SASH1: variants seen among roughly 807,000 people sequenced by gnomAD.
SASH1 encodes SAM and SH3 domain containing 1, also known as SAM and SH3 domain-containing protein 1.
A neutral mutation model predicts 125.2 loss-of-function variants in SASH1; 44 were observed. The ratio of observed to expected loss-of-function variants is 0.35; its 90% confidence interval spans 0.28 to 0.45. SASH1 has a LOEUF of 0.45. SASH1 is among the 20% of genes least tolerant of loss of function. SASH1 has a pLI of 1.00. For synonymous variants in SASH1, 639 were observed against 649.1 expected (o/e 0.98, Z 0.24); for missense variants, 1,426 against 1,614.5 (o/e 0.88, Z 2.00).
intron 1 of SASH1, chr6:148,280,419 T>G (rs1779307042): frequency 6.6e-6 from 1 of 152,142 alleles, no homozygotes; most frequent in South Asian, 2.1e-4. Flanking sequence ...ACACTCACCT[T>G]GCAGGGATTC....
At chr6:148,258,589 T>C in the SASH1 span, among the ~76,000 whole-genome samples, 1 of 152,092 alleles carries the variant, frequency 6.6e-6, no homozygotes, top group African/African-American at 2.4e-5. Context: ...ACTCCACATG[T>C]AAAAATTACT....
At chr6:148,263,344 G>A in the SASH1 span, among the ~76,000 whole-genome samples, 1 of 152,206 alleles carries the variant, frequency 6.6e-6, no homozygotes, top group Non-Finnish European at 1.5e-5. Context: ...GCAGAAGGCA[G>A]TTCTGAGGTT....
intron 4 of SASH1, among the ~76,000 whole-genome samples, chr6:148,442,909 G>C (rs1776605464): frequency 6.6e-6 from 1 of 151,940 alleles, no homozygotes; most frequent in Non-Finnish European, 1.5e-5. Context: ...GAGTAGCTGA[G>C]ATTACAGGCA....
intron 1 of SASH1, among the ~76,000 whole-genome samples, chr6:148,280,703 G>A (rs1779315566): frequency 6.6e-6 from 1 of 152,082 alleles, no homozygotes; most frequent in South Asian, 2.1e-4. Context: ...AGCTACTCGG[G>A]AGGCTGCAGC....
In SASH1 at chr6:148,343,106, T is replaced by TGAGCCCGAGCCC. The variant is rs76317765; in HGVS notation, c.45_56dup (p.Glu20_Pro23dup). 4.3e-5 allele frequency: 68 copies of TGAGCCCGAGCCC among 1,573,634 alleles called. No individual in the cohort carries two copies. Among genetic ancestry groups the TGAGCCCGAGCCC allele is most frequent in the Middle Eastern group, 1.7e-4 (1 of 5,900 alleles). The stretch of plus-strand genomic sequence containing the variant: ...GAGCAGCTGGCCCGGGGCCGGAGCC[T>TGAGCCCGAGCCC]GAGCCCGAGCCCGAGCCGGAGCCCG... On this transcript the variant is annotated inframe_insertion, in exon 1 of 20. Transcript: ENST00000367467.
chr6:148,460,860 A>G (rs1000601254), intron 4 of SASH1, among the ~76,000 whole-genome samples: 2 of 152,198 alleles, frequency 1.3e-5, no homozygotes, highest in Non-Finnish European at 2.9e-5. Context: ...GTCCATCTCA[A>G]TTATTTGAGA....
At chr6:148,534,644 T>C in intron 15 of SASH1, 107 bp from the exon 16 acceptor site, 1 of 1,081,368 alleles carries the variant, frequency 9.2e-7, no homozygotes, top group South Asian at 1.3e-5. Flanking sequence ...TTGATTAGCC[T>C]GAAGGTGACT....
intron 1 of SASH1, among the ~76,000 whole-genome samples, chr6:148,275,924 T>C (rs1779171823): frequency 6.6e-6 from 1 of 152,362 alleles, no homozygotes; most frequent in East Asian, 1.9e-4. Context: ...TTTCACCATG[T>C]TGCCCAGGCT....
intron 4 of SASH1, among the ~76,000 whole-genome samples, chr6:148,466,733 G>T (rs1777854211): frequency 6.6e-6 from 1 of 150,758 alleles, no homozygotes; most frequent in African/African-American, 2.4e-5. Flanking sequence ...ATACCCAGTT[G>T]AACTTTTTAG....
chr6:148,411,166 C>CAAAAAAAAA lies in SASH1; in HGVS notation c.285+20926_285+20934dup, dbSNP rs56342457. ...TACAACAAGAGCGAAACTCCATCTC[C>CAAAAAAAAA]AAAAAAAAAAAAAAAAAAAAAAAAA... On this transcript the variant is annotated intron_variant, in intron 2 of 19. Transcript: ENST00000367467. Among the ~76,000 whole-genome samples, 441 of 46,186 alleles carry CAAAAAAAAA rather than the reference C, an allele frequency of 9.5e-3. 13 individuals carry two copies. Among genetic ancestry groups the CAAAAAAAAA allele is most frequent in the Middle Eastern group, 0.075 (3 of 40 alleles). The allele number at this position is 46,186 out of a possible 152,430, so 30.3% of individuals were successfully genotyped here.
intron 1 of SASH1, among the ~76,000 whole-genome samples, chr6:148,386,346 A>G (rs560637591): frequency 2.0e-4 from 31 of 152,206 alleles, no homozygotes; most frequent in African/African-American, 2.4e-5. Context: ...ATATATAAAT[A>G]GTTTTTTTCC....
chr6:148,275,678 A>G (rs781675241), intron 1 of SASH1, among the ~76,000 whole-genome samples: 2 of 152,170 alleles, frequency 1.3e-5, no homozygotes, highest in Non-Finnish European at 2.9e-5. Context: ...TTGCATTTCC[A>G]TAAGATCTTA....
At chr6:148,383,910 C>G (rs1385948488) in intron 1 of SASH1, among the ~76,000 whole-genome samples, 1 of 152,128 alleles carries the variant, frequency 6.6e-6, no homozygotes, top group Non-Finnish European at 1.5e-5. Flanking sequence ...CCCCTTATCT[C>G]TGTATTTTTA....
intron 2 of SASH1, among the ~76,000 whole-genome samples, chr6:148,401,684 C>A (rs1784173378): frequency 6.6e-6 from 1 of 152,084 alleles, no homozygotes; most frequent in Non-Finnish European, 1.5e-5. Flanking sequence ...CTCATGGGCC[C>A]CAGCAGAAGC....
chr6:148,295,153 G>A (rs1178560466), intron 1 of SASH1, among the ~76,000 whole-genome samples: 1 of 151,988 alleles, frequency 6.6e-6, no homozygotes, highest in Non-Finnish European at 1.5e-5. Flanking sequence ...GTAAACTGAG[G>A]TCCTGATAAT....
intron 9 of SASH1, among the ~76,000 whole-genome samples, chr6:148,516,488 GCGCC>G (rs1780444170): frequency 1.3e-5 from 1 of 79,484 alleles, no homozygotes. Context: ...ACGCCAGTAG[GCGCC>G]CCCTCCCCCC....
chr6:148,458,629 G>A (rs1249754633), intron 4 of SASH1, among the ~76,000 whole-genome samples: 1 of 152,078 alleles, frequency 6.6e-6, no homozygotes, highest in African/African-American at 2.4e-5. Flanking sequence ...ATATGAAACT[G>A]GTCAGTTGCT....
At chr6:148,266,317 TG>T in the SASH1 span, among the ~76,000 whole-genome samples, 2 of 152,166 alleles carry the variant, frequency 1.3e-5, no homozygotes, top group Non-Finnish European at 2.9e-5. Flanking sequence ...TGCTGAAATT[TG>T]GTTGACTGAA....
intron 1 of SASH1, among the ~76,000 whole-genome samples, chr6:148,349,093 G>A (rs1781614549): frequency 6.6e-6 from 1 of 152,110 alleles, no homozygotes; most frequent in African/African-American, 2.4e-5. Context: ...ACAGAGCAAA[G>A]AGGGACAAAG....
Sources: allele counts gnomAD v4.1 joint callset (sites outside exome capture counted in the v4.1 genomes callset), GRCh38; gene constraint gnomAD v4.1.1; transcripts MANE v1.5; gene names NCBI Gene and HGNC (gene_info 2026-07-23, HGNC 2026-07-21).